Variants in PIK3AP1 observed in about 807,000 individuals in gnomAD.
PIK3AP1 encodes phosphoinositide 3-kinase adapter protein 1.
Under a neutral mutation model 88.1 loss-of-function variants are expected in PIK3AP1, and 21 were observed. That is an observed-to-expected ratio of 0.24 (90% CI 0.17 to 0.34). PIK3AP1 has a LOEUF of 0.34. PIK3AP1 is among the 10% of genes least tolerant of loss of function. The probability of loss-of-function intolerance (pLI) is 1.00; values close to 1 mark genes in which losing one functional copy is unlikely to be tolerated. For synonymous variants in PIK3AP1, 398 were observed against 400.0 expected (o/e 1.00, Z 0.06); for missense variants, 828 against 1,035.7 (o/e 0.80, Z 2.75).
intron 12 of PIK3AP1, among the ~76,000 whole-genome samples, chr10:96,617,522 T>G (rs1843010440): frequency 6.6e-6 from 1 of 152,126 alleles, no homozygotes; most frequent in Non-Finnish European, 1.5e-5. Flanking sequence ...CTGAACACTG[T>G]GAGCTTGTCA....
At chr10:96,699,487 T>G (rs564659358) in intron 2 of PIK3AP1, among the ~76,000 whole-genome samples, 1 of 152,330 alleles carries the variant, frequency 6.6e-6, no homozygotes, top group Admixed American at 6.5e-5. Flanking sequence ...TTTTTTAAAT[T>G]ACTGCAGCTG....
chr10:96,692,856 A>C (rs1844172662), intron 2 of PIK3AP1, among the ~76,000 whole-genome samples: 1 of 152,238 alleles, frequency 6.6e-6, no homozygotes. Context: ...TAAAAGTCCC[A>C]ATCAAGAATT....
intron 2 of PIK3AP1, among the ~76,000 whole-genome samples, chr10:96,675,171 G>A (rs1271322031): frequency 6.7e-6 from 1 of 148,666 alleles, no homozygotes; most frequent in Non-Finnish European, 1.5e-5. Context: ...AGGATTACAG[G>A]TGTGAGCCAC....
At chr10:96,642,937 A>C (rs531362946) in intron 8 of PIK3AP1, among the ~76,000 whole-genome samples, 30 of 152,336 alleles carry the variant, frequency 2.0e-4, no homozygotes, top group Admixed American at 1.1e-3. Flanking sequence ...TAGCAAAGAC[A>C]CAGGGCAGAA....
At chr10:96,635,274 G>C (rs1461947796) in intron 8 of PIK3AP1, among the ~76,000 whole-genome samples, 1 of 152,160 alleles carries the variant, frequency 6.6e-6, no homozygotes, top group Non-Finnish European at 1.5e-5. Flanking sequence ...GCCAGTGAAG[G>C]AAAGAGAGGA....
chr10:96,645,310 T>C (rs1230115944), intron 8 of PIK3AP1, among the ~76,000 whole-genome samples, 163 bp downstream of exon 8: 1 of 152,132 alleles, frequency 6.6e-6, no homozygotes, highest in Non-Finnish European at 1.5e-5. Flanking sequence ...ATTCTGCTTG[T>C]CACAGCACAT....
intron 2 of PIK3AP1, among the ~76,000 whole-genome samples, chr10:96,671,828 G>A (rs2134254316): frequency 6.6e-6 from 1 of 152,112 alleles, no homozygotes; most frequent in Non-Finnish European, 1.5e-5. Context: ...ATCACTTGAG[G>A]CCAGGAGTTC....
chr10:96,679,799 C>A (rs767153524), intron 2 of PIK3AP1, among the ~76,000 whole-genome samples: 2 of 152,154 alleles, frequency 1.3e-5, no homozygotes, highest in Non-Finnish European at 2.9e-5. Flanking sequence ...GGTGGCAAGA[C>A]GGCTGTGGTA....
At chr10:96,703,527 T>G (rs1347376372) in intron 2 of PIK3AP1, among the ~76,000 whole-genome samples, 1 of 152,162 alleles carries the variant, frequency 6.6e-6, no homozygotes, top group African/African-American at 2.4e-5. Flanking sequence ...ACACTCAATA[T>G]CACCCACAGA....
At chr10:96,643,370 A>T (rs1354890353) in intron 8 of PIK3AP1, among the ~76,000 whole-genome samples, 5 of 152,200 alleles carry the variant, frequency 3.3e-5, no homozygotes, top group African/African-American at 1.2e-4. Context: ...GGGAATGTTC[A>T]GCCCCTCTGT....
At chr10:96,718,395 G>T (rs192363659) in intron 1 of PIK3AP1, among the ~76,000 whole-genome samples, 1 of 152,296 alleles carries the variant, frequency 6.6e-6, no homozygotes, top group Non-Finnish European at 1.5e-5. Context: ...CTTGGCGAGC[G>T]GCATTGCTCT....
chr10:96,612,283 C>T (rs1849125589), intron 13 of PIK3AP1, among the ~76,000 whole-genome samples: 1 of 152,150 alleles, frequency 6.6e-6, no homozygotes, highest in Non-Finnish European at 1.5e-5. Flanking sequence ...CTCTAATTTC[C>T]TACGCCATCA....
chr10:96,609,972 G>A (rs1275893799), intron 13 of PIK3AP1, 105 bp from the exon 14 acceptor site: 5 of 1,315,318 alleles, frequency 3.8e-6, no homozygotes, highest in Non-Finnish European at 5.4e-6. Context: ...GAGCCTGCAT[G>A]GGAAGGGGAA....
chr10:96,704,950 T>G (rs1844343692), intron 2 of PIK3AP1, among the ~76,000 whole-genome samples: 1 of 152,208 alleles, frequency 6.6e-6, no homozygotes, highest in South Asian at 2.1e-4. Context: ...CCACTCTCTT[T>G]GATCTTTAAG....
At chr10:96,700,916 C>G in intron 2 of PIK3AP1, 1 of 980,296 alleles carries the variant, frequency 1.0e-6, no homozygotes, top group Non-Finnish European at 1.2e-6. Context: ...AGGCCAGGCT[C>G]TGAGCCCCTT....
At chr10:96,679,969 C>T (rs138067461) in intron 2 of PIK3AP1, among the ~76,000 whole-genome samples, 41 of 152,304 alleles carry the variant, frequency 2.7e-4, no homozygotes, top group South Asian at 8.3e-4. Flanking sequence ...ACCTTGTAAT[C>T]ACCCAGGGTG....
At chr10:96,670,174 AGAG>A (rs1179596097) in intron 2 of PIK3AP1, among the ~76,000 whole-genome samples, 1 of 135,292 alleles carries the variant, frequency 7.4e-6, no homozygotes, top group African/African-American at 2.8e-5. Flanking sequence ...AAAAAAAAAA[AGAG>A]AGAGAGAGAG....
At chr10:96,704,278 G>A (rs757025986) in intron 2 of PIK3AP1, among the ~76,000 whole-genome samples, 7 of 152,146 alleles carry the variant, frequency 4.6e-5, no homozygotes, top group Admixed American at 6.5e-5. Flanking sequence ...CTCCATTTCC[G>A]GAGAAGTGGA....
intron 2 of PIK3AP1, among the ~76,000 whole-genome samples, chr10:96,658,295 T>C (rs1843642601): frequency 6.6e-6 from 1 of 152,124 alleles, no homozygotes; most frequent in Non-Finnish European, 1.5e-5. Context: ...TCCTGCAGCC[T>C]GGTTTCCTGG....
Sources: allele counts gnomAD v4.1 joint callset (sites outside exome capture counted in the v4.1 genomes callset), GRCh38; gene constraint gnomAD v4.1.1; transcripts MANE v1.5; gene names NCBI Gene and HGNC (gene_info 2026-07-23, HGNC 2026-07-21).